The following COL15A1 variants were observed in gnomAD, a reference collection of about 807,000 sequenced individuals.
COL15A1 encodes collagen alpha-1(XV) chain.
COL15A1 carries 111 observed loss-of-function variants against 165.9 expected under a neutral mutation model. The observed-to-expected ratio is 0.67, with a 90% confidence interval of 0.57 to 0.78. COL15A1 has a LOEUF of 0.78. Ranked by LOEUF, COL15A1 falls within the 30% of genes least tolerant of loss-of-function variation. The pLI is 0.00. For synonymous variants in COL15A1, 659 were observed against 674.8 expected (o/e 0.98, Z 0.36); for missense variants, 1,745 against 1,789.7 (o/e 0.98, Z 0.45).
intron 2 of COL15A1, among the ~76,000 whole-genome samples, chr9:98,966,694 C>T (rs1181418493): frequency 6.6e-6 from 1 of 152,192 alleles, no homozygotes; most frequent in Non-Finnish European, 1.5e-5. Context: ...CCGAGGGCAG[C>T]CATTTTGCAG....
rs1383984169 is a variant in COL15A1 at position 99,044,559 on chromosome 9, G to A, written c.2575-9G>A. Reference sequence around the variant, plus strand: ...TCCTGACTTCATTGAGATGTTCTCTGAATTGCAGGGCGAGAAGGGAGAGCC... The same window carrying A: ...TCCTGACTTCATTGAGATGTTCTCTAAATTGCAGGGCGAGAAGGGAGAGCC... On this transcript the variant is annotated splice_polypyrimidine_tract_variant and intron_variant, in intron 24 of 41. Transcript: ENST00000375001. 11 of 1,613,704 alleles carry A rather than the reference G, an allele frequency of 6.8e-6. No individual in the cohort carries two copies. Among genetic ancestry groups the A allele is most frequent in the Non-Finnish European group, 9.3e-6 (11 of 1,179,884 alleles).
chr9:99,056,673 G>A (rs529480449), intron 35 of COL15A1, among the ~76,000 whole-genome samples: 1 of 152,218 alleles, frequency 6.6e-6, no homozygotes, highest in South Asian at 2.1e-4. Flanking sequence ...ACACCAAAAA[G>A]AAATTTCATA....
chr9:99,061,890 C>A, intron 36 of COL15A1, 81 bp from the exon 37 acceptor site: 2 of 1,507,214 alleles, frequency 1.3e-6, no homozygotes, highest in Admixed American at 2.1e-5. Context: ...TCCTAGTTGA[C>A]TTTACAGAGA....
chr9:99,055,290 G>C lies in COL15A1; in HGVS notation c.3110G>C (p.Gly1037Ala), dbSNP rs1008804687. Residue 1037 changes from glycine (G) to alanine (A), a missense_variant, in exon 34 of 42, where the codon GGT becomes GCT. Gly to Ala is a moderately conservative substitution (Grantham distance 60). Transcript: ENST00000375001. ...KGENGDKGFKGEKGEKGDING... is the reference protein window; with the variant it reads ...KGENGDKGFKAEKGEKGDING... Reference sequence around the variant, plus strand: ...GAGAATGGAGACAAGGGGTTCAAAGGTGAAAAAGGAGAAAAAGGAGACATT... The same window carrying C: ...GAGAATGGAGACAAGGGGTTCAAAGCTGAAAAAGGAGAAAAAGGAGACATT... 1 of 1,613,734 alleles carries C rather than the reference G, an allele frequency of 6.2e-7. No individual in the cohort carries two copies. The highest frequency in any genetic ancestry group is 8.5e-7 in the Non-Finnish European group (1 of 1,179,760).
chr9:98,999,857 G>GTT (rs201063548), intron 6 of COL15A1, among the ~76,000 whole-genome samples: 17 of 134,086 alleles, frequency 1.3e-4, no homozygotes, highest in African/African-American at 2.8e-4. Context: ...ATCCATTTGC[G>GTT]TTTTTTTTTT....
In COL15A1 at chr9:98,951,674, C is replaced by T. The variant is rs137954844; in HGVS notation, c.100+7424C>T. On this transcript the variant is annotated intron_variant, in intron 2 of 41. Coordinates refer to ENST00000375001, the MANE Select transcript of COL15A1 (RefSeq NM_001855.5). ...CAAAGTCCTGGGCTCAAGGGATCCT[C>T]CTTCCTCAGCCTCCTGAGTAGCTGG... Among the ~76,000 whole-genome samples, 481 of 152,312 alleles carry T rather than the reference C, an allele frequency of 3.2e-3. 2 individuals carry two copies. The highest frequency in any genetic ancestry group is 0.011 in the African/African-American group (439 of 41,568).
intron 16 of COL15A1, 74 bp from the exon 17 acceptor site, chr9:99,034,475 T>A (rs1274485235): frequency 6.6e-7 from 1 of 1,523,676 alleles, no homozygotes; most frequent in East Asian, 2.3e-5. Context: ...AGTCCATAAT[T>A]GTGCATTGTC....
At chr9:98,945,718 T>C (rs781197927) in intron 2 of COL15A1, among the ~76,000 whole-genome samples, 2 of 152,238 alleles carry the variant, frequency 1.3e-5, no homozygotes, top group Non-Finnish European at 2.9e-5. Context: ...CTCAGCCCCA[T>C]GGCTCATGTC....
intron 24 of COL15A1, 105 bp from the exon 25 acceptor site, chr9:99,044,463 A>T (rs1192278127): frequency 2.0e-6 from 2 of 997,748 alleles, no homozygotes; most frequent in Non-Finnish European, 3.2e-6. Context: ...TGCAGGACTC[A>T]GAGGTCTCTG....
chr9:98,979,763 T>A (rs573656511), intron 2 of COL15A1, among the ~76,000 whole-genome samples: 2 of 152,312 alleles, frequency 1.3e-5, no homozygotes, highest in East Asian at 3.9e-4. Flanking sequence ...TAAAGCAAGT[T>A]GTAAACTGGA....
chr9:98,957,843 T>A (rs1256426754), intron 2 of COL15A1, among the ~76,000 whole-genome samples: 9 of 152,190 alleles, frequency 5.9e-5, no homozygotes, highest in African/African-American at 2.2e-4. Context: ...CATGCCTGAA[T>A]AATTTTTCTA....
chr9:99,035,078 G>T lies in COL15A1; in HGVS notation c.2144G>T (p.Gly715Val). 6.2e-7 allele frequency: 1 copy of T among 1,610,840 alleles called. No homozygotes were observed. The highest frequency in any genetic ancestry group is 8.5e-7 in the Non-Finnish European group (1 of 1,177,246). Residue 715 changes from glycine (G) to valine (V), a missense_variant, in exon 18 of 42, where the codon GGG becomes GTG. By Grantham distance (109) the Gly-to-Val change is moderately radical (BLOSUM62 -3). Coordinates refer to ENST00000375001, the MANE Select transcript of COL15A1 (RefSeq NM_001855.5). ...PGKKGQAGPP[G>V]VMGPPGPPGP... ...AAAAAGGGACAAGCTGGCCCTCCTG[G>T]GGTCATGGGACCCCCAGGGCCTCCT...
In COL15A1 at chr9:99,070,501, T is replaced by C; in HGVS notation, c.*615T>C. On this transcript the variant is annotated 3_prime_UTR_variant, in exon 42 of 42. Coordinates refer to ENST00000375001, the MANE Select transcript of COL15A1 (RefSeq NM_001855.5). ...TACACAATCATATTTTAGTATGGTG[T>C]CTGTTTATGTAACTCTGACTTGCTG... is the stretch of plus-strand genomic sequence containing the variant. The C allele has an allele frequency of 3.4e-6, 1 of 293,092 alleles. No homozygotes were observed. The highest frequency in any genetic ancestry group is 2.7e-5 in the South Asian group (1 of 37,394). The allele number at this position is 293,092 out of a possible 1,614,324, so 18.2% of individuals were successfully genotyped here.
chr9:98,945,588 C>G (rs1837568500), intron 2 of COL15A1, among the ~76,000 whole-genome samples: 1 of 152,184 alleles, frequency 6.6e-6, no homozygotes, highest in African/African-American at 2.4e-5. Flanking sequence ...TGAAGAAGCC[C>G]AAGACAGCCC....
chr9:99,062,272 G>T lies in COL15A1; in HGVS notation c.3559G>T (p.Asp1187Tyr). Residue 1187 changes from aspartate (D) to tyrosine (Y), a missense_variant, in exon 38 of 42, where the codon GAC becomes TAC. Physicochemically the swap from Asp to Tyr is radical, Grantham distance 160 (BLOSUM62 -3). Coordinates refer to ENST00000375001, the MANE Select transcript of COL15A1 (RefSeq NM_001855.5). ...QLGELIPIPA[D>Y]SPPPPALSSN... ...GGGAGAACTGATCCCCATTCCTGCC[G>T]ACAGCCCTCCACCCCCTGCGCTTTC... 4 of 1,613,560 alleles carry T rather than the reference G, an allele frequency of 2.5e-6. No homozygotes were observed. The highest frequency in any genetic ancestry group is 3.4e-6 in the Non-Finnish European group (4 of 1,179,584).
At chr9:99,001,351 A>G (rs3780622) in intron 7 of COL15A1, among the ~76,000 whole-genome samples, 38,228 of 152,160 alleles carry the variant, frequency 0.25, 4,908 homozygotes, top group East Asian at 0.38. Context: ...TTACACCTGC[A>G]AAGCCAGTTT....
At chr9:99,017,327 A>C (rs565210638) in intron 11 of COL15A1, among the ~76,000 whole-genome samples, 2 of 152,312 alleles carry the variant, frequency 1.3e-5, no homozygotes, top group Admixed American at 1.3e-4. Context: ...TTGAACCTGC[A>C]TGCTGGCCTG....
intron 9 of COL15A1, among the ~76,000 whole-genome samples, chr9:99,014,239 A>T (rs7032060): frequency 0.2 from 30,813 of 152,152 alleles, 3,143 homozygotes; most frequent in East Asian, 0.25. Context: ...CTTACTAGAG[A>T]TAGGTCTTAG....
At chr9:98,950,421 CTT>C (rs1328858980) in intron 2 of COL15A1, among the ~76,000 whole-genome samples, 2 of 151,928 alleles carry the variant, frequency 1.3e-5, no homozygotes, top group East Asian at 3.9e-4. Flanking sequence ...ATTTGCAATT[CTT>C]TCTTTCTTTC....
Sources: allele counts gnomAD v4.1 joint callset (sites outside exome capture counted in the v4.1 genomes callset), GRCh38; gene constraint gnomAD v4.1.1; transcripts MANE v1.5; gene names NCBI Gene and HGNC (gene_info 2026-07-23, HGNC 2026-07-21).